PSG7: variants seen among roughly 807,000 people sequenced by gnomAD.
PSG7 encodes the protein pregnancy-specific beta-1-glycoprotein 7.
In PSG7, 57 loss-of-function variants were observed where a neutral mutation model predicts 45.6. The ratio of observed to expected loss-of-function variants is 1.25; its 90% CI spans 1.01 to 1.56. PSG7 has a LOEUF of 1.56. Among genes scored for constraint, PSG7 ranks in the 40% most tolerant of loss-of-function variants. The pLI is 0.00. For synonymous variants in PSG7, 298 were observed against 194.4 expected, an observed-to-expected ratio of 1.53 and a Z score of -4.43; for missense variants, 796 against 508.4, an observed-to-expected ratio of 1.57 and a Z score of -5.44.
rs1484752302 is a variant in PSG7, at chr19:42,925,910, T to C, written c.1106A>G (p.Asn369Ser). The change falls in exon 5 of 6, where the codon AAT becomes AGT. Residue 369 changes from asparagine (N) to serine (S), a missense_variant. Asn to Ser is a conservative substitution (Grantham distance 46). Transcript: ENST00000406070. Reference sequence around the variant, plus strand: ...TTGTCCTGATAGCTGAAACTTCCCATTAATTGTCCAAGAATACTGTGCCGG... The same window carrying C: ...TTGTCCTGATAGCTGAAACTTCCCACTAATTGTCCAAGAATACTGTGCCGG... ...NPPAQYSWTINGKFQLSGQKL... is the reference protein window; with the variant it reads ...NPPAQYSWTISGKFQLSGQKL... 4 of 1,612,194 alleles carry C rather than the reference T, an allele frequency of 2.5e-6. No individual in the cohort carries two copies. Among genetic ancestry groups the C allele is most frequent in the East Asian group, 2.2e-5 (1 of 44,790 alleles).
At chr19:42,933,296 TATATA>T (rs1386577908) in intron 2 of PSG7, among the ~76,000 whole-genome samples, 15 of 16,456 alleles carry the variant, frequency 9.1e-4, no homozygotes, top group South Asian at 3.1e-3. Flanking sequence ...TATATATATA[TATATA>T]TATATATTTT....
rs373212271 is a variant in PSG7 at position 42,929,592 on chromosome 19, G to T, written c.559C>A (p.Leu187Ile). The T allele has an allele frequency of 6.2e-7, 1 of 1,612,600 alleles. No homozygotes were observed. ...SYLWWMNGQS[L>I]PMTHSLQLSE... ...AGCTGCAAGCTGTGAGTCATAGGGA[G>T]GCTCTGACCATTCATCCACCACAGG... The change falls in exon 3 of 6, where the codon CTC becomes ATC. Residue 187 changes from leucine to isoleucine, a missense_variant. Physicochemically the swap from Leu to Ile is conservative, Grantham distance 5. Transcript: ENST00000406070.
At chr19:42,933,734 G>T (rs759694418) in intron 2 of PSG7, among the ~76,000 whole-genome samples, 1 of 151,086 alleles carries the variant, frequency 6.6e-6, no homozygotes, top group Admixed American at 6.6e-5. Context: ...GAGAGGCAGA[G>T]ACACCATGGC....
chr19:42,926,068 G>A (rs777671931), intron 4 of PSG7, 41 bp from the exon 5 acceptor site: 2 of 1,602,654 alleles, frequency 1.2e-6, no homozygotes, highest in Non-Finnish European at 1.7e-6. Flanking sequence ...TGTTATCCGA[G>A]GGAAGGGGAT....
At chr19:42,926,340 T>C (rs1972887936) in intron 4 of PSG7, 98 bp downstream of exon 4, 2 of 1,567,792 alleles carry the variant, frequency 1.3e-6, no homozygotes, top group Non-Finnish European at 1.7e-6. Flanking sequence ...TGTCTATACT[T>C]GGACCGGAGA....
rs746936230 is a variant in PSG7, at chr19:42,925,905, TC to T, written c.1110del (p.Lys371SerfsTer39). ...AGCTTTTGTCCTGATAGCTGAAACT[TC>T]CCATTAATTGTCCAAGAATACTGTG... Reference protein sequence around the residue: ...PPAQYSWTINGKFQLSGQKLS... With the variant: ...PPAQYSWTINXKFQLSGQKLS... On this transcript the variant is annotated frameshift_variant, in exon 5 of 6. Transcript: ENST00000406070. LOFTEE classifies it high-confidence loss of function. 2 of 1,612,172 alleles carry T rather than the reference TC, an allele frequency of 1.2e-6. No individual in the cohort carries two copies. Among genetic ancestry groups the T allele is most frequent in the East Asian group, 4.5e-5 (2 of 44,788 alleles).
intron 2 of PSG7, among the ~76,000 whole-genome samples, chr19:42,929,935 C>T (rs532390479): frequency 3.1e-4 from 47 of 151,596 alleles, no homozygotes; most frequent in African/African-American, 1.1e-3. Flanking sequence ...TGGACTTTCT[C>T]AAGTGTGAAT....
At chr19:42,931,548 A>G (rs1461766710) in intron 2 of PSG7, among the ~76,000 whole-genome samples, 6 of 151,622 alleles carry the variant, frequency 4.0e-5, no homozygotes, top group Admixed American at 3.3e-4. Context: ...GGTATGTGAA[A>G]TGCTTTCTTC....
chr19:42,932,537 T>C (rs73553545), intron 2 of PSG7, among the ~76,000 whole-genome samples: 3 of 151,234 alleles, frequency 2.0e-5, no homozygotes, highest in Non-Finnish European at 1.5e-5. Flanking sequence ...CTGCAGGCCC[T>C]TCCAGCCTCT....
Position 42,926,643 on chromosome 19 carries a change from G to A in PSG7, c.783C>T (p.Thr261=). Residue 261 remains threonine (T), a synonymous_variant, in exon 4 of 6, where the codon ACC becomes ACT. Coordinates refer to ENST00000406070, the MANE Select transcript of PSG7 (RefSeq NM_002783.3). ...TGTAGTTCTCACTCTTAGGTTCACA[G>A]GTGAAGGTTGAGACATCCTTATTCT... ...PRENKDVSTF[T]CEPKSENYTY... is the part of the protein sequence containing the mutation. 1.2e-6 allele frequency: 2 copies of A among 1,610,070 alleles called. No individual in the cohort carries two copies. Among genetic ancestry groups the A allele is most frequent in the African/African-American group, 1.3e-5 (1 of 74,630 alleles).
rs968234447 is a variant in PSG7, at chr19:42,937,150, A to G, written c.-74T>C. ...CAGAATCTTCCTGAGCACGGCTGTC[A>G]GCTGTGCTGTCCTTCCTCCTTCTGC... On this transcript the variant is annotated 5_prime_UTR_variant, in exon 1 of 6. Transcript: ENST00000406070. 150 of 1,565,030 alleles carry G rather than the reference A, an allele frequency of 9.6e-5. 3 individuals carry two copies. The East Asian group carries it at 1.1e-3, about 12-fold the overall frequency.
chr19:42,926,017 G>A lies in PSG7; in HGVS notation c.999C>T (p.Asp333=). 2 of 1,611,752 alleles carry A rather than the reference G, an allele frequency of 1.2e-6. No individual in the cohort carries two copies. Among genetic ancestry groups the A allele is most frequent in the Non-Finnish European group, 8.5e-7 (1 of 1,178,902 alleles). The part of the protein sequence containing the change: ...PVTLNVLYGP[D]LPRIYPSFTY... ...TGAATGAAGGGTAAATTCTGGGGAGGTCTGGACCATCTGGAGGAAAGAGAA... is the reference window on the plus strand; with the variant it reads ...TGAATGAAGGGTAAATTCTGGGGAGATCTGGACCATCTGGAGGAAAGAGAA... Residue 333 remains aspartate, a synonymous_variant, in exon 5 of 6, where the codon GAC becomes GAT. Transcript: ENST00000406070.
intron 2 of PSG7, among the ~76,000 whole-genome samples, chr19:42,929,957 A>C (rs1465265566): frequency 6.6e-6 from 1 of 151,576 alleles, no homozygotes; most frequent in Non-Finnish European, 1.5e-5. Flanking sequence ...GAGCAGCAGC[A>C]TTGGGTCATG....
chr19:42,929,618 T>C lies in PSG7; in HGVS notation c.533A>G (p.Tyr178Cys), dbSNP rs974556832. Reference protein sequence around the residue: ...TCDPETPDASYLWWMNGQSLP... With the variant: ...TCDPETPDASCLWWMNGQSLP... ...GCTCTGACCATTCATCCACCACAGG[T>C]AGCTTGCATCTGGAGTCTCAGGATC... is the stretch of plus-strand genomic sequence containing the variant. Residue 178 changes from tyrosine (Y) to cysteine (C), a missense_variant, in exon 3 of 6, where the codon TAC (tyrosine) becomes TGC (cysteine). Physicochemically the swap from Tyr to Cys is radical, Grantham distance 194 (BLOSUM62 -2). Transcript: ENST00000406070. 1 of 1,612,558 alleles carries C rather than the reference T, an allele frequency of 6.2e-7. No homozygotes were observed. Among genetic ancestry groups the C allele is most frequent in the Non-Finnish European group, 8.5e-7 (1 of 1,179,232 alleles).
chr19:42,933,266 AATATATATATATATATAT>A (rs1161461136), intron 2 of PSG7, among the ~76,000 whole-genome samples: 1 of 15,746 alleles, frequency 6.4e-5, no homozygotes, highest in Non-Finnish European at 1.2e-4. Context: ...TCACCATTTC[AATATATATATATATATAT>A]ATATATATAT....
Position 42,937,016 on chromosome 19 carries a change from T to A in PSG7, c.61A>T (p.Thr21Ser). ...QHITWKGLLL[T>S]ASLLNFWNPP... ...TCCCAGGAAGTTCTCTCCTCACCTG[T>A]GAGCAGGAGCCCTTTCCAGGTTATA... Residue 21 changes from threonine to serine, a missense_variant, in exon 1 of 6, where the codon ACA (threonine) becomes TCA (serine). Thr to Ser is a moderately conservative substitution (Grantham distance 58). Transcript: ENST00000406070. 6.2e-7 allele frequency: 1 copy of A among 1,611,300 alleles called. No homozygotes were observed. Among genetic ancestry groups the A allele is most frequent in the Non-Finnish European group, 8.5e-7 (1 of 1,178,378 alleles).
intron 2 of PSG7, 31 bp from the exon 3 acceptor site, chr19:42,929,751 G>A (rs571151344): frequency 1.0e-5 from 16 of 1,600,172 alleles, no homozygotes; most frequent in African/African-American, 8.1e-5. Context: ...AGATTGCCCT[G>A]TGTGGCACCT....
At chr19:42,933,918 C>T (rs566788453) in intron 2 of PSG7, among the ~76,000 whole-genome samples, 57 of 151,506 alleles carry the variant, frequency 3.8e-4, no homozygotes, top group African/African-American at 1.1e-3. Flanking sequence ...ACATGGGTGT[C>T]AGCCTCCGAA....
At chr19:42,927,035 G>C (rs1369456960) in intron 3 of PSG7, 11 of 421,190 alleles carry the variant, frequency 2.6e-5, no homozygotes, top group Admixed American at 7.7e-5. Flanking sequence ...TGACTGGCTG[G>C]CTCACCCTGG....
Sources: gnomAD v4.1 joint callset for allele counts (sites outside exome capture counted in the v4.1 genomes callset) on GRCh38, gnomAD v4.1.1 for gene constraint, MANE v1.5 for transcripts, NCBI Gene and HGNC (gene_info 2026-07-23, HGNC 2026-07-21) for gene names.